GSTO1: variants seen among roughly 807,000 people sequenced by gnomAD.
GSTO1 encodes the protein glutathione S-transferase omega-1.
GSTO1 carries 27 observed loss-of-function variants against 23.8 expected under a neutral mutation model. The observed-to-expected ratio is 1.13, with a 90% CI of 0.83 to 1.56. GSTO1 has a LOEUF of 1.56. Ranked by LOEUF, GSTO1 falls within the 40% of genes most tolerant of loss-of-function variation. The probability of loss-of-function intolerance (pLI) is 0.00; values close to 1 mark genes in which losing one functional copy is unlikely to be tolerated. For missense variants in GSTO1, 255 were observed against 285.8 expected (o/e 0.89, Z 0.78); for synonymous variants, 105 against 109.3 (o/e 0.96, Z 0.25).
At chr10:104,257,861 C>A (rs2011108615) in intron 2 of GSTO1, among the ~76,000 whole-genome samples, 1 of 152,156 alleles carries the variant, frequency 6.6e-6, no homozygotes, top group Non-Finnish European at 1.5e-5. Flanking sequence ...TTTATTCATT[C>A]ATTTATATGA....
At chr10:104,261,058 G>C (rs1321616406) in intron 3 of GSTO1, among the ~76,000 whole-genome samples, 2 of 152,204 alleles carry the variant, frequency 1.3e-5, no homozygotes, top group Non-Finnish European at 2.9e-5. Flanking sequence ...TCTGGTGCCA[G>C]TTCTGGAAAA....
At chr10:104,257,892 T>C (rs1259372729) in intron 2 of GSTO1, among the ~76,000 whole-genome samples, 1 of 152,200 alleles carries the variant, frequency 6.6e-6, no homozygotes, top group Admixed American at 6.5e-5. Context: ...AACAAAAATA[T>C]TTACTGAGTC....
At chr10:104,263,926 T>G (rs2011159292) in intron 4 of GSTO1, among the ~76,000 whole-genome samples, 1 of 151,338 alleles carries the variant, frequency 6.6e-6, no homozygotes, top group Non-Finnish European at 1.5e-5. Context: ...TTTTTTTTTT[T>G]TTAATGTTTA....
chr10:104,256,875 G>T (rs1441546897), intron 2 of GSTO1, among the ~76,000 whole-genome samples: 1 of 150,258 alleles, frequency 6.7e-6, no homozygotes, highest in Non-Finnish European at 1.5e-5. Flanking sequence ...TCTTTGGCAA[G>T]GAGCCAAATA....
Position 104,266,067 on chromosome 10 carries a change from T to C in GSTO1, c.466-17T>C. 1 of 1,256,164 alleles carries C rather than the reference T, an allele frequency of 8.0e-7. No homozygotes were observed. The highest frequency in any genetic ancestry group is 1.2e-6 in the Non-Finnish European group (1 of 853,748). The allele number at this position is 1,256,164 out of a possible 1,614,324, so 77.8% of individuals were successfully genotyped here. ...CATGCACAAGTAAGAAATACTTTTA[T>C]GCTGTTTAATGTTCAGGTTCTGACT... On this transcript the variant is annotated splice_polypyrimidine_tract_variant and intron_variant, in intron 4 of 5. Transcript: ENST00000369713.
In GSTO1 at chr10:104,259,782, T is replaced by TA. The variant is rs2011124081; in HGVS notation, c.351dup (p.Glu118ArgfsTer5). 1 of 1,611,272 alleles carries TA rather than the reference T, an allele frequency of 6.2e-7. No individual in the cohort carries two copies. On this transcript the variant is annotated frameshift_variant, in exon 3 of 6. Coordinates refer to ENST00000369713, the MANE Select transcript of GSTO1 (RefSeq NM_004832.3). LOFTEE classifies it high-confidence loss of function. ...GAGAAAGCTTGCCAGAAGATGATCT[T>TA]AGAGTTGTTTTCTAAGGTTTGTGCA...
chr10:104,255,936 C>G (rs1328057693), intron 2 of GSTO1, among the ~76,000 whole-genome samples: 6 of 152,158 alleles, frequency 3.9e-5, no homozygotes. Flanking sequence ...TCCATTGGAA[C>G]CACTTCCCTT....
At chr10:104,263,112 G>A (rs1475771162) in intron 4 of GSTO1, 35 bp downstream of exon 4, 5 of 842,130 alleles carry the variant, frequency 5.9e-6, no homozygotes, top group South Asian at 2.9e-5. Context: ...CAGAGTAAAC[G>A]ATAACTATAT....
At chr10:104,254,840 G>C (rs1446677499), upstream of GSTO1, 5 of 1,296,104 alleles carry the variant, frequency 3.9e-6, no homozygotes, top group Admixed American at 1.9e-5. Context: ...AGGAGGAAGC[G>C]GGGGAGGGAA....
chr10:104,259,864 C>T (rs2011124722), intron 3 of GSTO1, 66 bp downstream of exon 3: 3 of 1,000,454 alleles, frequency 3.0e-6, no homozygotes, highest in Non-Finnish European at 1.6e-6. Flanking sequence ...ATCAGTGCTG[C>T]CATTTATGGT....
At position 104,255,212 on chromosome 10, in the gene GSTO1, C is replaced by T; in HGVS notation, c.84C>T (p.Ser28=). 6.2e-7 allele frequency: 1 copy of T among 1,613,880 alleles called. No homozygotes were observed. Among genetic ancestry groups the T allele is most frequent in the Non-Finnish European group, 8.5e-7 (1 of 1,179,810 alleles). The stretch of plus-strand genomic sequence containing the variant: ...CGGAGGGCTCGATCCGCATCTACAG[C>T]ATGAGGTTCTGCCCGTTTGCTGAGA... ...PVPEGSIRIY[S]MRFCPFAERT... The change falls in exon 2 of 6, where the codon AGC becomes AGT. Residue 28 remains serine, a synonymous_variant. Transcript: ENST00000369713.
chr10:104,265,788 T>G lies in GSTO1; in HGVS notation c.466-296T>G, dbSNP rs566701154. 2.0e-5 allele frequency among the ~76,000 whole-genome samples: 3 copies of G among 152,360 alleles called. No individual in the cohort carries two copies. In the East Asian group the frequency reaches 5.8e-4, roughly 29 times the overall value. On this transcript the variant is annotated intron_variant, in intron 4 of 5. Coordinates refer to ENST00000369713, the MANE Select transcript of GSTO1 (RefSeq NM_004832.3). Reference sequence around the variant, plus strand: ...GGTCGTTTGCTATTTTTCTTACTGATTCCCAGGAATCCTTTCTATATTCTG... The same window carrying G: ...GGTCGTTTGCTATTTTTCTTACTGAGTCCCAGGAATCCTTTCTATATTCTG...
intron 2 of GSTO1, 25 bp downstream of exon 2, chr10:104,255,296 C>T: frequency 4.0e-6 from 6 of 1,501,146 alleles, no homozygotes; most frequent in Non-Finnish European, 5.6e-6. Context: ...GGGGGACGCT[C>T]CCCGAGCCGT....
At chr10:104,267,176 A>T (rs1168820261) in intron 5 of GSTO1, 76 bp from the exon 6 acceptor site, 2 of 862,526 alleles carry the variant, frequency 2.3e-6, no homozygotes, top group Admixed American at 5.1e-5. Flanking sequence ...GTAGAGTAAT[A>T]ATTACATATG....
chr10:104,262,667 GT>G, intron 3 of GSTO1, among the ~76,000 whole-genome samples: 1 of 152,272 alleles, frequency 6.6e-6, no homozygotes. Context: ...AGCTGAGATC[GT>G]GCCACTGCAT....
intron 3 of GSTO1, among the ~76,000 whole-genome samples, chr10:104,262,170 A>T (rs1387047087): frequency 3.3e-5 from 5 of 152,194 alleles, no homozygotes; most frequent in African/African-American, 1.2e-4. Flanking sequence ...GGGTTTCAGC[A>T]GTGTGGGTTA....
intron 2 of GSTO1, among the ~76,000 whole-genome samples, chr10:104,259,099 A>G (rs538801985): frequency 6.6e-6 from 1 of 152,336 alleles, no homozygotes; most frequent in Admixed American, 6.5e-5. Flanking sequence ...ATGTTCTTCA[A>G]AAAATTAAAA....
chr10:104,260,414 A>G (rs1209539149), intron 3 of GSTO1, among the ~76,000 whole-genome samples: 2 of 152,220 alleles, frequency 1.3e-5, no homozygotes, highest in East Asian at 3.8e-4. Flanking sequence ...ACCTCATAAG[A>G]TAAAAATCAG....
rs1564835417 is a variant in GSTO1 at position 104,255,267 on chromosome 10, ATCAGG to A, written c.141_143+2del. 6.3e-7 allele frequency: 1 copy of A among 1,599,698 alleles called. No individual in the cohort carries two copies. Among genetic ancestry groups the A allele is most frequent in the African/African-American group, 1.3e-5 (1 of 74,690 alleles). On this transcript the variant is annotated splice_donor_variant and coding_sequence_variant, in exon 2 of 6. Transcript: ENST00000369713. LOFTEE classifies it high-confidence loss of function. ...GCGTCTAGTCCTGAAGGCCAAGGGA[ATCAGG>A]TGGGCACCCAGGCGGGGGACGCTCC...
Sources: allele counts gnomAD v4.1 joint callset (sites outside exome capture counted in the v4.1 genomes callset), GRCh38; gene constraint gnomAD v4.1.1; transcripts MANE v1.5; gene names NCBI Gene and HGNC (gene_info 2026-07-23, HGNC 2026-07-21).